The following VCPKMT variants were observed in gnomAD, a reference collection of about 807,000 sequenced individuals.
The protein encoded by VCPKMT is protein N-lysine methyltransferase METTL21D.
Under a neutral mutation model 28.6 loss-of-function variants are expected in VCPKMT, and 32 were observed. That is an observed-to-expected ratio of 1.12 (90% CI 0.84 to 1.50). The LOEUF (loss-of-function observed/expected upper bound fraction) is 1.50, where lower values mean the gene tolerates loss of function less well. VCPKMT is among the 40% of genes most tolerant of loss of function. The probability of loss-of-function intolerance (pLI) is 0.00; values close to 1 mark genes in which losing one functional copy is unlikely to be tolerated. For missense variants in VCPKMT, 366 were observed against 285.0 expected, an observed-to-expected ratio of 1.28 and a Z score of -2.05; for synonymous variants, 138 against 111.4, an observed-to-expected ratio of 1.24 and a Z score of -1.50.
At chr14:50,107,496 T>C (rs902358733), downstream of VCPKMT, among the ~76,000 whole-genome samples, 1 of 152,098 alleles carries the variant, frequency 6.6e-6, no homozygotes, top group African/African-American at 2.4e-5. Flanking sequence ...GTATTTTTAG[T>C]AGAGACAGGG....
At position 50,112,862 on chromosome 14, in the gene VCPKMT, C is replaced by A. The variant is rs147738028; in HGVS notation, c.571-143G>T. 1.5e-4 allele frequency: 75 copies of A among 502,080 alleles called. 2 individuals carry two copies. In the East Asian group the frequency reaches 3.0e-3, roughly 20 times the overall value. The allele number at this position is 502,080 out of a possible 1,614,324, so 31.1% of individuals were successfully genotyped here. The stretch of plus-strand genomic sequence containing the variant: ...AGTGCAGTGGTGCGATCTTGGCTCA[C>A]TGCAACCTCCACCTCCCTGGGTTCA... On this transcript the variant is annotated intron_variant, in intron 4 of 5. Coordinates refer to ENST00000395860, the MANE Select transcript of VCPKMT (RefSeq NM_024558.3).
chr14:50,111,280 T>C, intron 5 of VCPKMT: 1 of 985,264 alleles, frequency 1.0e-6, no homozygotes, highest in Non-Finnish European at 1.2e-6. Context: ...CAGTTAACAC[T>C]AGATCCCTTA....
At chr14:50,110,510 ACTAT>A (rs1882567362) in intron 5 of VCPKMT, among the ~76,000 whole-genome samples, 1 of 152,214 alleles carries the variant, frequency 6.6e-6, no homozygotes, top group South Asian at 2.1e-4. Context: ...CAGTTTAGAG[ACTAT>A]CTCATACCCA....
intron 4 of VCPKMT, chr14:50,113,417 C>T (rs2883739): frequency 0.87 from 131,625 of 152,024 alleles, 57,088 homozygotes; most frequent in East Asian, 0.92. Context: ...AGTAGTCCTT[C>T]CAGCAGACAA....
rs928588077 is a variant in VCPKMT at position 50,116,124 on chromosome 14, T to C, written c.322A>G (p.Ile108Val). Reference sequence around the variant, plus strand: ...GTGACAAGATGCTTGTTCATATTAATATTCATCTTCAGCAAGTCTTGCAAT... The same window carrying C: ...GTGACAAGATGCTTGTTCATATTAACATTCATCTTCAGCAAGTCTTGCAAT... ...EELQDLLKMN[I>V]NMNKHLVTGS... The change falls in exon 2 of 6, where the codon ATT becomes GTT. Residue 108 changes from isoleucine (I) to valine (V), a missense_variant. Physicochemically the swap from Ile to Val is conservative, Grantham distance 29. Coordinates refer to ENST00000395860, the MANE Select transcript of VCPKMT (RefSeq NM_024558.3). 2 of 1,614,130 alleles carry C rather than the reference T, an allele frequency of 1.2e-6. No individual in the cohort carries two copies. Among genetic ancestry groups the C allele is most frequent in the Admixed American group, 3.3e-5 (2 of 60,014 alleles).
downstream of VCPKMT, among the ~76,000 whole-genome samples, chr14:50,107,305 G>C (rs768309172): frequency 6.6e-6 from 1 of 151,658 alleles, no homozygotes; most frequent in Non-Finnish European, 1.5e-5. Context: ...GAACAAGAAA[G>C]ATATCCTATT....
downstream of VCPKMT, among the ~76,000 whole-genome samples, chr14:50,104,710 C>T (rs538157683): frequency 2.9e-3 from 429 of 147,116 alleles, 5 homozygotes; most frequent in Middle Eastern, 7.1e-3. Flanking sequence ...AAAAAAAAAA[C>T]TGCTTTGAAA....
At chr14:50,112,395 GAAAAAAAAAAAA>G (rs59968443) in intron 5 of VCPKMT, among the ~76,000 whole-genome samples, 2 of 11,998 alleles carry the variant, frequency 1.7e-4, no homozygotes, top group Non-Finnish European at 2.8e-4. Context: ...AAAAATACGA[GAAAAAAAAAAAA>G]AAAAAAAAAA....
At chr14:50,111,251 T>TA (rs1882636716) in intron 5 of VCPKMT, 1 of 985,122 alleles carries the variant, frequency 1.0e-6, no homozygotes, top group East Asian at 1.1e-4. Context: ...ATTCTACTTT[T>TA]AAAACTGCAC....
downstream of VCPKMT, among the ~76,000 whole-genome samples, chr14:50,104,789 AGGTG>A (rs1250182737): frequency 3.0e-4 from 46 of 152,276 alleles, no homozygotes; most frequent in African/African-American, 1.1e-3. Context: ...GGTACTTTCA[AGGTG>A]AATTTTAATT....
At chr14:50,104,488 T>TA (rs1441929434), downstream of VCPKMT, among the ~76,000 whole-genome samples, 1 of 152,224 alleles carries the variant, frequency 6.6e-6, no homozygotes, top group East Asian at 1.9e-4. Flanking sequence ...GTATTTCTAT[T>TA]AGAGTGAAGG....
At chr14:50,103,050 G>T in the VCPKMT span, among the ~76,000 whole-genome samples, 1 of 152,010 alleles carries the variant, frequency 6.6e-6, no homozygotes, top group Non-Finnish European at 1.5e-5. Flanking sequence ...AGATTTTTTT[G>T]CAATTTTTTA....
At position 50,108,798 on chromosome 14, in the gene VCPKMT, G is replaced by C. The variant is rs1319545037; in HGVS notation, c.*901C>G. The stretch of plus-strand genomic sequence containing the variant: ...GAATGGCTTCATAACATAAAACAGA[G>C]AGACACAGAACAGAAATTCATTTGG... On this transcript the variant is annotated 3_prime_UTR_variant, in exon 6 of 6. Coordinates refer to ENST00000395860, the MANE Select transcript of VCPKMT (RefSeq NM_024558.3). The C allele has an allele frequency of 1.0e-6, 1 of 985,432 alleles. No homozygotes were observed. The highest frequency in any genetic ancestry group is 1.2e-6 in the Non-Finnish European group (1 of 829,926). 61.0% of individuals were successfully genotyped at this position (985,432 alleles called of 1,614,324 possible). A position where few individuals can be genotyped will look rare whatever the true frequency, so the allele number is the denominator to read the frequency against.
At chr14:50,102,880 A>G in the VCPKMT span, among the ~76,000 whole-genome samples, 1 of 152,352 alleles carries the variant, frequency 6.6e-6, no homozygotes, top group Non-Finnish European at 1.5e-5. Flanking sequence ...ATTCATGACA[A>G]TATTTTCCAT....
chr14:50,102,875 T>C, the VCPKMT span, among the ~76,000 whole-genome samples: 4 of 152,206 alleles, frequency 2.6e-5, no homozygotes, highest in African/African-American at 7.2e-5. Context: ...TGAGTATTCA[T>C]GACAATATTT....
At chr14:50,108,491 T>G, downstream of VCPKMT, 2 of 640,496 alleles carry the variant, frequency 3.1e-6, no homozygotes, top group Non-Finnish European at 3.9e-6. Flanking sequence ...CAAAGGAAAC[T>G]TTTAAGACTG....
In VCPKMT at chr14:50,115,875, G is replaced by A; in HGVS notation, c.414C>T (p.Asp138=). 2 of 1,613,588 alleles carry A rather than the reference G, an allele frequency of 1.2e-6. No homozygotes were observed. The highest frequency in any genetic ancestry group is 1.7e-6 in the Non-Finnish European group (2 of 1,179,558). The change falls in exon 3 of 6, where the codon GAC becomes GAT. Residue 138 remains aspartate (D), a synonymous_variant. Coordinates refer to ENST00000395860, the MANE Select transcript of VCPKMT (RefSeq NM_024558.3). ...EEIEGFPSPP[D]FILMADCIYY... ...ATATGCAGTCGGCCATCAGTATGAA[G>A]TCGGGTGGAGAAGGAAAGCCTTCTA...
At chr14:50,110,174 G>A (rs1325868491) in intron 5 of VCPKMT, among the ~76,000 whole-genome samples, 1 of 152,196 alleles carries the variant, frequency 6.6e-6, no homozygotes, top group East Asian at 1.9e-4. Context: ...TTGAACCTGG[G>A]AGGCAGAGGT....
downstream of VCPKMT, among the ~76,000 whole-genome samples, chr14:50,107,755 T>C (rs1388723306): frequency 1.3e-5 from 2 of 152,180 alleles, no homozygotes; most frequent in East Asian, 3.8e-4. Flanking sequence ...AGTGTGATTT[T>C]GGCAAAGCTG....
Sources: gnomAD v4.1 joint callset for allele counts (sites outside exome capture counted in the v4.1 genomes callset) on GRCh38, gnomAD v4.1.1 for gene constraint, MANE v1.5 for transcripts, NCBI Gene and HGNC (gene_info 2026-07-23, HGNC 2026-07-21) for gene names.